ZFYVE9: variants seen among roughly 807,000 people sequenced by gnomAD.
ZFYVE9 encodes zinc finger FYVE domain-containing protein 9.
Under a neutral mutation model 126.7 loss-of-function variants are expected in ZFYVE9, and 43 were observed. The observed-to-expected ratio is 0.34, with a 90% CI of 0.27 to 0.44. The LOEUF is 0.44. ZFYVE9 is among the 20% of genes least tolerant of loss of function. ZFYVE9 has a pLI of 1.00. For synonymous variants in ZFYVE9, 521 were observed against 597.4 expected (o/e 0.87, Z 1.87); for missense variants, 1,476 against 1,697.0 (o/e 0.87, Z 2.29).
rs1293878802 is a variant in ZFYVE9, at chr1:52,239,080, C to T, written c.1663C>T (p.Pro555Ser). ...TTTACATAATTTCTGTAGTCAAGTT[C>T]CATCAGTGCTTGGGCAATCTTCCCC... ...NYLHNFCSQVPSVLGQSSPKV... is the reference protein window; with the variant it reads ...NYLHNFCSQVSSVLGQSSPKV... Residue 555 changes from proline to serine, a missense_variant, in exon 4 of 19, where the codon CCA becomes TCA. Physicochemically the swap from Pro to Ser is moderately conservative, Grantham distance 74. Coordinates refer to ENST00000287727, the MANE Select transcript of ZFYVE9 (RefSeq NM_004799.4). 1.2e-6 allele frequency: 2 copies of T among 1,614,096 alleles called. No homozygotes were observed. Among genetic ancestry groups the T allele is most frequent in the Admixed American group, 1.7e-5 (1 of 59,998 alleles).
intron 13 of ZFYVE9, among the ~76,000 whole-genome samples, chr1:52,325,883 T>C (rs1646287186): frequency 6.6e-6 from 1 of 152,232 alleles, no homozygotes; most frequent in African/African-American, 2.4e-5. Context: ...AAGTACATGA[T>C]GTGTTAACTG....
At chr1:52,319,872 G>A (rs1646222092) in intron 13 of ZFYVE9, among the ~76,000 whole-genome samples, 1 of 150,820 alleles carries the variant, frequency 6.6e-6, no homozygotes, top group Non-Finnish European at 1.5e-5. Flanking sequence ...AATAAGCTGG[G>A]CGTGGTAATG....
intron 1 of ZFYVE9, among the ~76,000 whole-genome samples, chr1:52,154,112 C>T (rs1644380747): frequency 6.6e-6 from 1 of 152,192 alleles, no homozygotes; most frequent in African/African-American, 2.4e-5. Flanking sequence ...GAAGTGATTC[C>T]CTTGGCTGGA....
chr1:52,285,368 G>A (rs1487462065), intron 10 of ZFYVE9, among the ~76,000 whole-genome samples: 1 of 152,138 alleles, frequency 6.6e-6, no homozygotes, highest in Admixed American at 6.5e-5. Flanking sequence ...ACTGGTATTG[G>A]TCCGTGGCCT....
chr1:52,278,757 C>T lies in ZFYVE9; in HGVS notation c.2869+143C>T, dbSNP rs557588080. On this transcript the variant is annotated intron_variant, in intron 9 of 18. Transcript: ENST00000287727. ...TTTTTTTTTTTTTGAGACAGAATCT[C>T]GCTGTGTCACCCAGGCTGGAGTGCA... is the stretch of plus-strand genomic sequence containing the variant. 1,618 of 635,144 alleles carry T rather than the reference C, an allele frequency of 2.5e-3. 6 individuals carry two copies. Among genetic ancestry groups the T allele is most frequent in the Non-Finnish European group, 3.5e-3 (1,425 of 403,368 alleles). 39.3% of individuals were successfully genotyped at this position (635,144 alleles called of 1,614,324 possible).
At chr1:52,222,521 T>C (rs2124605653) in intron 2 of ZFYVE9, among the ~76,000 whole-genome samples, 1 of 152,266 alleles carries the variant, frequency 6.6e-6, no homozygotes, top group Non-Finnish European at 1.5e-5. Context: ...AGCCTGGAGG[T>C]CTTGCACTAG....
intron 1 of ZFYVE9, among the ~76,000 whole-genome samples, chr1:52,181,230 G>A (rs1476879491): frequency 6.6e-6 from 1 of 152,318 alleles, no homozygotes; most frequent in East Asian, 1.9e-4. Context: ...TTGCAGGCGC[G>A]CGCTGCCACG....
intron 2 of ZFYVE9, among the ~76,000 whole-genome samples, chr1:52,224,995 G>A (rs1645156336): frequency 6.6e-6 from 1 of 152,096 alleles, no homozygotes; most frequent in Non-Finnish European, 1.5e-5. Context: ...TCCCCTGACT[G>A]GAAAACTGCC....
At chr1:52,197,083 G>A (rs1163767532) in intron 1 of ZFYVE9, among the ~76,000 whole-genome samples, 1 of 152,044 alleles carries the variant, frequency 6.6e-6, no homozygotes, top group East Asian at 1.9e-4. Flanking sequence ...GGAGGAGGAG[G>A]AGGCAGAAGT....
intron 1 of ZFYVE9, among the ~76,000 whole-genome samples, chr1:52,214,889 T>C (rs1195818437): frequency 1.3e-5 from 2 of 152,178 alleles, no homozygotes; most frequent in South Asian, 4.1e-4. Flanking sequence ...TCAAGCCTTA[T>C]TTTATTCACG....
At chr1:52,285,631 G>T (rs182336579) in intron 10 of ZFYVE9, among the ~76,000 whole-genome samples, 74 of 152,244 alleles carry the variant, frequency 4.9e-4, no homozygotes, top group African/African-American at 1.5e-3. Flanking sequence ...CCCCAGATGG[G>T]ACAGTCTAGT....
At chr1:52,148,995 CG>C (rs1644330339) in intron 1 of ZFYVE9, among the ~76,000 whole-genome samples, 1 of 111,780 alleles carries the variant, frequency 8.9e-6, no homozygotes, top group East Asian at 3.0e-4. Context: ...GATAGACTCT[CG>C]CTCTGTCAAC....
At chr1:52,305,054 A>G (rs1428803086) in intron 13 of ZFYVE9, among the ~76,000 whole-genome samples, 2 of 152,224 alleles carry the variant, frequency 1.3e-5, no homozygotes, top group Admixed American at 6.5e-5. Flanking sequence ...TTGAAAACCT[A>G]TTTTATTTCT....
At chr1:52,301,227 C>CTCAT (rs555642349) in intron 12 of ZFYVE9, among the ~76,000 whole-genome samples, 45 of 150,412 alleles carry the variant, frequency 3.0e-4, no homozygotes, top group African/African-American at 1.0e-3. Flanking sequence ...TGTTTTCCCT[C>CTCAT]TCATCTTTGT....
chr1:52,305,778 G>A (rs1237727724), intron 13 of ZFYVE9, among the ~76,000 whole-genome samples: 1 of 152,122 alleles, frequency 6.6e-6, no homozygotes, highest in Non-Finnish European at 1.5e-5. Flanking sequence ...GCTTGGGAAG[G>A]CCCCCCTCCC....
In ZFYVE9 at chr1:52,280,198, G is replaced by A. The variant is rs544634912; in HGVS notation, c.2870-1463G>A. Reference sequence around the variant, plus strand: ...TCGAGACTAGCCTGGGCAACATGGTGAAACCTCATCCCTACCAAAAAAAAA... The same window carrying A: ...TCGAGACTAGCCTGGGCAACATGGTAAAACCTCATCCCTACCAAAAAAAAA... On this transcript the variant is annotated intron_variant, in intron 9 of 18. Coordinates refer to ENST00000287727, the MANE Select transcript of ZFYVE9 (RefSeq NM_004799.4). 2.2e-5 allele frequency among the ~76,000 whole-genome samples: 3 copies of A among 136,300 alleles called. No homozygotes were observed. In the East Asian group the frequency reaches 6.5e-4, roughly 30 times the overall value. 89.4% of individuals were successfully genotyped at this position (136,300 alleles called of 152,430 possible).
chr1:52,300,780 C>T (rs536773683), intron 12 of ZFYVE9, among the ~76,000 whole-genome samples: 2 of 151,024 alleles, frequency 1.3e-5, no homozygotes, highest in East Asian at 3.9e-4. Flanking sequence ...TTTCTAACAA[C>T]ATCTTTATTT....
At chr1:52,146,566 A>G (rs1053294852) in intron 1 of ZFYVE9, among the ~76,000 whole-genome samples, 2 of 152,150 alleles carry the variant, frequency 1.3e-5, no homozygotes, top group African/African-American at 4.8e-5. Flanking sequence ...TAGTCACCTT[A>G]CAGGATTATT....
chr1:52,300,058 TGCGGCA>T (rs1338149913), intron 12 of ZFYVE9, among the ~76,000 whole-genome samples: 36 of 151,962 alleles, frequency 2.4e-4, no homozygotes, highest in Non-Finnish European at 1.5e-4. Flanking sequence ...AGGGAGGCAG[TGCGGCA>T]GAGGCAGAGT....
Sources: gnomAD v4.1 joint callset for allele counts (sites outside exome capture counted in the v4.1 genomes callset) on GRCh38, gnomAD v4.1.1 for gene constraint, MANE v1.5 for transcripts, NCBI Gene and HGNC (gene_info 2026-07-23, HGNC 2026-07-21) for gene names.